Variants in ONECUT3 observed in about 807,000 individuals in gnomAD.
The protein encoded by ONECUT3 is one cut homeobox 3, also known as one cut domain family member 3.
In ONECUT3, 11 loss-of-function variants were observed where a neutral mutation model predicts 16.8. The ratio of observed to expected loss-of-function variants is 0.66; its 90% confidence interval spans 0.41 to 1.09. The LOEUF (loss-of-function observed/expected upper bound fraction) is 1.09. Ranked by LOEUF, ONECUT3 falls within the 50% of genes least tolerant of loss-of-function variation. The probability of loss-of-function intolerance (pLI) is 0.00; values close to 1 mark genes in which losing one functional copy is unlikely to be tolerated. For missense variants in ONECUT3, 637 were observed against 629.9 expected (o/e 1.01, Z -0.12); for synonymous variants, 344 against 310.7 (o/e 1.11, Z -1.13).
rs995020445 is a variant in ONECUT3, at chr19:1,754,598, C to T, written c.936C>T (p.Pro312=). The T allele has an allele frequency of 5.2e-6, 7 of 1,347,240 alleles. No individual in the cohort carries two copies. The highest frequency in any genetic ancestry group is 6.7e-6 in the Non-Finnish European group (7 of 1,038,874). 83.5% of individuals were successfully genotyped at this position (1,347,240 alleles called of 1,614,324 possible). Residue 312 remains proline (P), a synonymous_variant, in exon 1 of 2, where the codon CCC becomes CCT. Transcript: ENST00000382349. The surrounding 1 kb of genome is among the most constrained non-coding windows in gnomAD (Gnocchi z 7.4). Reference sequence around the variant, plus strand: ...GCCCCGGCGGGAGCGGCGGCGGCCCCAGCGCGGGCGCAGCGGCCGAGGAGA... The same window carrying T: ...GCCCCGGCGGGAGCGGCGGCGGCCCTAGCGCGGGCGCAGCGGCCGAGGAGA... The part of the protein sequence containing the change: ...GGGPGGSGGG[P]SAGAAAEEIN...
Position 1,775,653 on chromosome 19 carries a change from A to T in ONECUT3, c.*208A>T. On this transcript the variant is annotated 3_prime_UTR_variant, in exon 2 of 2. Coordinates refer to ENST00000382349, the MANE Select transcript of ONECUT3 (RefSeq NM_001080488.2). ...GGCCCCCCTTCCTCCCTCCATGCCC[A>T]CTCCCTCCAGGCCAAAGGAAGCCCT... 2.4e-6 allele frequency: 1 copy of T among 413,622 alleles called. No homozygotes were observed. Among genetic ancestry groups the T allele is most frequent in the Non-Finnish European group, 4.1e-6 (1 of 241,308 alleles). 25.6% of individuals were successfully genotyped at this position (413,622 alleles called of 1,614,324 possible).
intron 1 of ONECUT3, among the ~76,000 whole-genome samples, chr19:1,771,583 C>T (rs12975741): frequency 0.39 from 59,088 of 152,032 alleles, 11,943 homozygotes; most frequent in Middle Eastern, 0.48. Context: ...TTCCTCTAGG[C>T]GCTTTTTAGG....
rs957748969 is a variant in ONECUT3, at chr19:1,758,440, G to T, written c.1192+3586G>T. ...CCCCATGGGGTAGGACTTGGGAGAG[G>T]GGAATAGGTGTTTTCCTTGTTTCAC... is the stretch of plus-strand genomic sequence containing the variant. On this transcript the variant is annotated intron_variant, in intron 1 of 1. Transcript: ENST00000382349. The surrounding 1 kb of genome is among the most constrained non-coding windows in gnomAD (Gnocchi z 5.9). 6.6e-6 allele frequency among the ~76,000 whole-genome samples: 1 copy of T among 152,132 alleles called. No individual in the cohort carries two copies. The highest frequency in any genetic ancestry group is 2.4e-5 in the African/African-American group (1 of 41,408).
chr19:1,761,243 GGGTT>G (rs2145959405), intron 1 of ONECUT3, among the ~76,000 whole-genome samples: 1 of 150,644 alleles, frequency 6.6e-6, no homozygotes, highest in African/African-American at 2.5e-5. Context: ...AGTAGAGACC[GGGTT>G]TCACCACGTT....
rs1331199840 is a variant in ONECUT3, at chr19:1,758,313, A to AG, written c.1192+3459_1192+3460insG. Among the ~76,000 whole-genome samples the AG allele has an allele frequency of 1.6e-4, 17 of 109,078 alleles. No homozygotes were observed. In the South Asian group the frequency reaches 1.9e-3, roughly 12 times the overall value. The allele number at this position is 109,078 out of a possible 152,430, so 71.6% of individuals were successfully genotyped here. On this transcript the variant is annotated intron_variant, in intron 1 of 1. Coordinates refer to ENST00000382349, the MANE Select transcript of ONECUT3 (RefSeq NM_001080488.2). The surrounding 1 kb of genome is among the most constrained non-coding windows in gnomAD (Gnocchi z 5.9). ...AGGCAGAGAGACCAAAAAAAAAAAA[A>AG]AAAGAGAGAGAGAGAGAGAGAGACA... is the stretch of plus-strand genomic sequence containing the variant.
At position 1,758,389 on chromosome 19, in the gene ONECUT3, C is replaced by T. The variant is rs1490589253; in HGVS notation, c.1192+3535C>T. ...TGGAGGCTGCCTCTGTGTCCACCCC[C>T]GCCCTCCCACAGCCCCCTCCTTCTT... On this transcript the variant is annotated intron_variant, in intron 1 of 1. Transcript: ENST00000382349. The surrounding 1 kb of genome is among the most constrained non-coding windows in gnomAD (Gnocchi z 5.9). Among the ~76,000 whole-genome samples, 2 of 151,836 alleles carry T rather than the reference C, an allele frequency of 1.3e-5. No individual in the cohort carries two copies. Among genetic ancestry groups the T allele is most frequent in the African/African-American group, 4.8e-5 (2 of 41,294 alleles).
rs1366493201 is a variant in ONECUT3 at position 1,764,120 on chromosome 19, G to C, written c.1192+9266G>C. 6.6e-6 allele frequency among the ~76,000 whole-genome samples: 1 copy of C among 152,256 alleles called. No homozygotes were observed. The highest frequency in any genetic ancestry group is 2.4e-5 in the African/African-American group (1 of 41,544). On this transcript the variant is annotated intron_variant, in intron 1 of 1. Coordinates refer to ENST00000382349, the MANE Select transcript of ONECUT3 (RefSeq NM_001080488.2). The surrounding 1 kb of genome is among the most constrained non-coding windows in gnomAD (Gnocchi z 5.0). ...TTCAAATCCATTTCCCACTGCAGGCGCTGTGTCTCCGTAACATTTTTTTTA... is the reference window on the plus strand; with the variant it reads ...TTCAAATCCATTTCCCACTGCAGGCCCTGTGTCTCCGTAACATTTTTTTTA...
At chr19:1,765,468 C>T (rs568705265) in intron 1 of ONECUT3, among the ~76,000 whole-genome samples, 4 of 152,212 alleles carry the variant, frequency 2.6e-5, no homozygotes, top group Non-Finnish European at 4.4e-5. Context: ...CCTCTCTCCC[C>T]CTTTCCTGGA....
intron 1 of ONECUT3, among the ~76,000 whole-genome samples, chr19:1,757,916 C>A (rs974295041): frequency 6.6e-6 from 1 of 152,222 alleles, no homozygotes; most frequent in Non-Finnish European, 1.5e-5. Context: ...GAGGACTCGC[C>A]GCCCTTTCTA....
In ONECUT3 at chr19:1,775,582, C is replaced by T; in HGVS notation, c.*137C>T. ...GGGTGCTATCCGGGCCCCCCACACC[C>T]GGGGAGGGGGAAGCAGCACACCCCC... On this transcript the variant is annotated 3_prime_UTR_variant, in exon 2 of 2. Transcript: ENST00000382349. The T allele has an allele frequency of 7.5e-6, 6 of 795,090 alleles. No individual in the cohort carries two copies. The highest frequency in any genetic ancestry group is 9.2e-6 in the Non-Finnish European group (5 of 543,520). 49.3% of individuals were successfully genotyped at this position (795,090 alleles called of 1,614,324 possible).
In ONECUT3 at chr19:1,762,389, C is replaced by G. The variant is rs1057512235; in HGVS notation, c.1192+7535C>G. Among the ~76,000 whole-genome samples the G allele has an allele frequency of 3.3e-5, 5 of 152,220 alleles. No homozygotes were observed. The highest frequency in any genetic ancestry group is 1.2e-4 in the African/African-American group (5 of 41,464). The stretch of plus-strand genomic sequence containing the variant: ...GAGTGGGATGCGCGAGTTGGGGACG[C>G]TAGTTGCGGGGCAGCAGGGGTCCAC... On this transcript the variant is annotated intron_variant, in intron 1 of 1. Transcript: ENST00000382349. The surrounding 1 kb of genome is among the most constrained non-coding windows in gnomAD (Gnocchi z 4.4).
chr19:1,767,499 G>C (rs893755284), intron 1 of ONECUT3, among the ~76,000 whole-genome samples: 1 of 152,134 alleles, frequency 6.6e-6, no homozygotes, highest in Non-Finnish European at 1.5e-5. Context: ...AATCCCAAGG[G>C]GTCTGCAGGA....
chr19:1,763,751 CAGAA>C (rs1271732403), intron 1 of ONECUT3, among the ~76,000 whole-genome samples: 2 of 104,866 alleles, frequency 1.9e-5, no homozygotes, highest in African/African-American at 6.7e-5. Context: ...TTTTTTTTAA[CAGAA>C]AGGGGAGCTT....
At chr19:1,768,818 A>G (rs1249722482) in intron 1 of ONECUT3, among the ~76,000 whole-genome samples, 1 of 132,700 alleles carries the variant, frequency 7.5e-6, no homozygotes, top group Admixed American at 7.3e-5. Context: ...TGGAAGGTGG[A>G]GGTGATGGAG....
chr19:1,767,237 G>C (rs1048488054), intron 1 of ONECUT3, among the ~76,000 whole-genome samples: 2 of 152,136 alleles, frequency 1.3e-5, no homozygotes, highest in Non-Finnish European at 2.9e-5. Context: ...GGGACCCCCA[G>C]ATGGGAGCTG....
In ONECUT3 at chr19:1,778,056, A is replaced by G. The variant is rs1006423757; in HGVS notation, c.*2611A>G. ...GAAGATGCACCCCATTCAACATACC[A>G]TATTATTTGTCTTTATACCAAGGTA... On this transcript the variant is annotated 3_prime_UTR_variant, in exon 2 of 2. Transcript: ENST00000382349. The G allele has an allele frequency of 6.6e-6, 1 of 151,484 alleles. No individual in the cohort carries two copies. The highest frequency in any genetic ancestry group is 1.5e-5 in the Non-Finnish European group (1 of 67,944). 9.4% of individuals were successfully genotyped at this position (151,484 alleles called of 1,614,324 possible).
At position 1,759,972 on chromosome 19, in the gene ONECUT3, A is replaced by G. The variant is rs1302552072; in HGVS notation, c.1192+5118A>G. 6.6e-6 allele frequency among the ~76,000 whole-genome samples: 1 copy of G among 152,064 alleles called. No individual in the cohort carries two copies. Among genetic ancestry groups the G allele is most frequent in the Non-Finnish European group, 1.5e-5 (1 of 68,008 alleles). On this transcript the variant is annotated intron_variant, in intron 1 of 1. Transcript: ENST00000382349. The surrounding 1 kb of genome is among the most constrained non-coding windows in gnomAD (Gnocchi z 4.1). ...CACAAAACTTCAGGGCCCGGGGAGG[A>G]GCAGCCCTAGCTAGGGACCTGGGCC...
intron 1 of ONECUT3, among the ~76,000 whole-genome samples, chr19:1,769,607 G>C (rs1374081573): frequency 3.3e-5 from 5 of 152,000 alleles, no homozygotes; most frequent in African/African-American, 1.2e-4. Flanking sequence ...ATGTTGGGTG[G>C]GGTGCTGGCG....
rs536215899 is a variant in ONECUT3 at position 1,762,974 on chromosome 19, C to T, written c.1192+8120C>T. Among the ~76,000 whole-genome samples, 2 of 152,312 alleles carry T rather than the reference C, an allele frequency of 1.3e-5. No homozygotes were observed. The highest frequency in any genetic ancestry group is 2.9e-5 in the Non-Finnish European group (2 of 68,016). ...GAGGCTCAAACCTGTAGTCCCAGCA[C>T]TTTGGGAGGCCAAGGCAAGAGGATC... On this transcript the variant is annotated intron_variant, in intron 1 of 1. Transcript: ENST00000382349. This position sits in a 1 kb window ranked among gnomAD's most constrained non-coding sequence, Gnocchi z 4.4.
Sources: gnomAD v4.1 joint callset for allele counts (sites outside exome capture counted in the v4.1 genomes callset) on GRCh38, gnomAD v4.1.1 for gene constraint, Gnocchi (gnomAD v3.1) non-coding constraint, MANE v1.5 for transcripts, NCBI Gene and HGNC (gene_info 2026-07-23, HGNC 2026-07-21) for gene names.